The following DLEU7 variants were observed in gnomAD, a reference collection of about 807,000 sequenced individuals.
DLEU7 encodes leukemia-associated protein 7.
DLEU7 carries 17 observed loss-of-function variants against 16.0 expected under a neutral mutation model. The ratio of observed to expected loss-of-function variants is 1.06; its 90% CI spans 0.73 to 1.59. DLEU7 has a LOEUF of 1.59. Ranked by LOEUF, DLEU7 falls within the 40% of genes most tolerant of loss-of-function variation. DLEU7 has a pLI of 0.00. For synonymous variants in DLEU7, 113 were observed against 139.8 expected (o/e 0.81, Z 1.35); for missense variants, 308 against 314.9 (o/e 0.98, Z 0.17).
At chr13:50,814,645 G>A (rs1311452618) in intron 1 of DLEU7, among the ~76,000 whole-genome samples, 1 of 146,312 alleles carries the variant, frequency 6.8e-6, no homozygotes, top group East Asian at 2.1e-4. Flanking sequence ...TGATTGTGGT[G>A]GTAGTTATAC....
chr13:50,770,350 A>G (rs1035427680), intron 1 of DLEU7, among the ~76,000 whole-genome samples: 1 of 152,164 alleles, frequency 6.6e-6, no homozygotes, highest in African/African-American at 2.4e-5. Flanking sequence ...GTCTTGTGCC[A>G]GTTTTCAAAG....
intron 1 of DLEU7, among the ~76,000 whole-genome samples, chr13:50,815,686 C>T (rs929909272): frequency 1.1e-4 from 16 of 152,116 alleles, no homozygotes; most frequent in African/African-American, 3.9e-4. Flanking sequence ...GACTGTCCCA[C>T]AGGCCCACTT....
At position 50,745,742 on chromosome 13, in the gene DLEU7, C is replaced by T. The variant is rs183463412; in HGVS notation, c.460-32502G>A. On this transcript the variant is annotated intron_variant, in intron 1 of 1. Transcript: ENST00000400393. The stretch of plus-strand genomic sequence containing the variant: ...AATTTATCTTCCTGGTCTCTTTTTT[C>T]GATCCTCTTTGGGATGGGTATTTAT... Among the ~76,000 whole-genome samples the T allele has an allele frequency of 2.1e-3, 314 of 152,026 alleles. 1 individual carries two copies. Among genetic ancestry groups the T allele is most frequent in the African/African-American group, 7.2e-3 (299 of 41,490 alleles).
At chr13:50,719,987 G>T (rs2761844) in intron 1 of DLEU7, among the ~76,000 whole-genome samples, 12,615 of 152,210 alleles carry the variant, frequency 0.083, 583 homozygotes, top group East Asian at 0.15. Context: ...TATTGTAGAA[G>T]AATATCTGTT....
chr13:50,759,416 G>C (rs1874859482), intron 1 of DLEU7, among the ~76,000 whole-genome samples: 1 of 152,164 alleles, frequency 6.6e-6, no homozygotes, highest in South Asian at 2.1e-4. Flanking sequence ...GATTCCATGT[G>C]TGTAAACTAG....
At chr13:50,736,446 C>T (rs948879088) in intron 1 of DLEU7, among the ~76,000 whole-genome samples, 1 of 151,944 alleles carries the variant, frequency 6.6e-6, no homozygotes, top group East Asian at 1.9e-4. Context: ...TAAAACAAAC[C>T]CCCATGACAT....
At chr13:50,830,485 C>A (rs1877228184) in intron 1 of DLEU7, among the ~76,000 whole-genome samples, 1 of 152,162 alleles carries the variant, frequency 6.6e-6, no homozygotes, top group Non-Finnish European at 1.5e-5. Flanking sequence ...GGTAAAAACA[C>A]AAAACCCCAA....
At chr13:50,822,754 T>C (rs1386736426), downstream of DLEU7, 1 of 985,308 alleles carries the variant, frequency 1.0e-6, no homozygotes, top group Non-Finnish European at 1.2e-6. Context: ...TAGAAGCAAC[T>C]CTTCTCTGCT....
intron 1 of DLEU7, among the ~76,000 whole-genome samples, chr13:50,756,754 T>C (rs1184276253): frequency 6.6e-6 from 1 of 152,174 alleles, no homozygotes; most frequent in Non-Finnish European, 1.5e-5. Flanking sequence ...TGGGTTCAAA[T>C]TTTTTCAAAT....
At chr13:50,756,796 T>G (rs1227001773) in intron 1 of DLEU7, among the ~76,000 whole-genome samples, 10 of 152,152 alleles carry the variant, frequency 6.6e-5, no homozygotes, top group Admixed American at 6.5e-4. Context: ...TCCTGTGGTG[T>G]TTTCCCCCAT....
At chr13:50,780,890 G>A (rs575926842) in intron 1 of DLEU7, among the ~76,000 whole-genome samples, 20 of 152,210 alleles carry the variant, frequency 1.3e-4, no homozygotes, top group African/African-American at 3.9e-4. Context: ...GTCTCCGCTC[G>A]TTTCCCCTGT....
chr13:50,736,685 G>A (rs1874079793), intron 1 of DLEU7, among the ~76,000 whole-genome samples: 1 of 151,826 alleles, frequency 6.6e-6, no homozygotes. Context: ...GTAAATAAAA[G>A]AAAGGAAATA....
intron 1 of DLEU7, among the ~76,000 whole-genome samples, chr13:50,826,328 A>T (rs1289870944): frequency 6.6e-6 from 1 of 152,144 alleles, no homozygotes; most frequent in Admixed American, 6.5e-5. Flanking sequence ...GATATAGAAG[A>T]AGAAATCAGA....
chr13:50,779,415 A>T (rs1875592233), intron 1 of DLEU7, among the ~76,000 whole-genome samples: 2 of 152,166 alleles, frequency 1.3e-5, no homozygotes, highest in African/African-American at 4.8e-5. Context: ...GGGAGGCCAG[A>T]CTTGTGTGCT....
intron 1 of DLEU7, among the ~76,000 whole-genome samples, chr13:50,733,487 A>G (rs1873977354): frequency 6.6e-6 from 1 of 152,168 alleles, no homozygotes; most frequent in African/African-American, 2.4e-5. Context: ...TTTAGAATAC[A>G]TCCAAGTTCT....
intron 1 of DLEU7, among the ~76,000 whole-genome samples, chr13:50,775,263 A>C (rs1413544157): frequency 1.3e-5 from 2 of 151,980 alleles, no homozygotes; most frequent in Non-Finnish European, 2.9e-5. Flanking sequence ...AAGGTAGCTA[A>C]ATTACAGGCA....
At position 50,749,758 on chromosome 13, in the gene DLEU7, A is replaced by C. The variant is rs148021965; in HGVS notation, c.460-36518T>G. The stretch of plus-strand genomic sequence containing the variant: ...ATCTTCTTTTGAGAATTGGCTATTC[A>C]TGTCTTTAGCTCACTTTTGGATGGG... On this transcript the variant is annotated intron_variant, in intron 1 of 1. Coordinates refer to the DLEU7 transcript ENST00000400393. Among the ~76,000 whole-genome samples, 162 of 152,162 alleles carry C rather than the reference A, an allele frequency of 1.1e-3. 1 individual carries two copies. Among genetic ancestry groups the C allele is most frequent in the African/African-American group, 3.8e-3 (159 of 41,508 alleles).
At chr13:50,725,521 T>C (rs1421110140) in intron 1 of DLEU7, among the ~76,000 whole-genome samples, 2 of 152,122 alleles carry the variant, frequency 1.3e-5, no homozygotes, top group Non-Finnish European at 2.9e-5. Context: ...CTAGGGCTTG[T>C]GGAATTAGCT....
chr13:50,794,735 T>A (rs889220070), intron 1 of DLEU7, among the ~76,000 whole-genome samples: 2 of 152,158 alleles, frequency 1.3e-5, no homozygotes, highest in African/African-American at 4.8e-5. Flanking sequence ...GAGCAGTTCC[T>A]TTTAACTGAG....
Sources: gnomAD v4.1 joint callset for allele counts (sites outside exome capture counted in the v4.1 genomes callset) on GRCh38, gnomAD v4.1.1 for gene constraint, MANE v1.5 for transcripts, NCBI Gene and HGNC (gene_info 2026-07-23, HGNC 2026-07-21) for gene names.